Variants in IGSF22 observed in about 807,000 individuals in gnomAD.
The protein encoded by IGSF22 is immunoglobulin superfamily member 22.
IGSF22 carries 119 observed loss-of-function variants against 127.0 expected under a neutral mutation model. The ratio of observed to expected loss-of-function variants is 0.94; its 90% CI spans 0.81 to 1.09. The LOEUF is 1.09. Among genes scored for constraint, IGSF22 ranks in the 50% least tolerant of loss-of-function variants. The pLI is 0.00. For missense variants in IGSF22, 1,518 were observed against 1,716.6 expected (o/e 0.88, Z 2.04); for synonymous variants, 568 against 664.7 (o/e 0.85, Z 2.24).
At chr11:18,724,377 G>T in intron 1 of IGSF22, 108 bp from the exon 2 acceptor site, 1 of 595,802 alleles carries the variant, frequency 1.7e-6, no homozygotes, top group Non-Finnish European at 3.0e-6. Flanking sequence ...ACACAGGAGA[G>T]GGCCAGGAGA....
At position 18,714,584 on chromosome 11, in the gene IGSF22, G is replaced by A. The variant is rs556899533; in HGVS notation, c.1572C>T (p.His524=). The A allele has an allele frequency of 1.5e-5, 25 of 1,614,060 alleles. No individual in the cohort carries two copies. The African/African-American group carries it at 2.1e-4, about 14-fold the overall frequency. The change falls in exon 12 of 23, where the codon CAC becomes CAT. Residue 524 remains histidine, a synonymous_variant. Transcript: ENST00000513874. ...ATVKSGMSDV[H]AATGSPAELC... ...ACTCAGCTGGGCTCCCAGTGGCCGC[G>A]TGCACGTCGGACATCCCGCTCTTCA...
chr11:18,707,051 C>T lies in IGSF22; in HGVS notation c.3443G>A (p.Arg1148His), dbSNP rs1208954529. Residue 1148 changes from arginine to histidine, a missense_variant, in exon 21 of 23, where the codon CGT (arginine) becomes CAT (histidine). Physicochemically the swap from Arg to His is conservative, Grantham distance 29. Around this residue, in one of 3 missense-constraint regions of IGSF22, gnomAD observed 1,456 missense variants for 1,644.9 expected, o/e 0.89. Transcript: ENST00000513874. The part of the protein sequence containing the change: ...STATWYTAAE[R>H]VFSNKYTVTG... ...CACTGTGTACTTGTTGCTGAAGACA[C>T]GCTCGGCTGCCGTGTACCAGGTGGC... is the stretch of plus-strand genomic sequence containing the variant. The T allele has an allele frequency of 1.2e-5, 18 of 1,551,564 alleles. 1 individual carries two copies. Among genetic ancestry groups the T allele is most frequent in the South Asian group, 3.6e-5 (3 of 84,050 alleles).
Position 18,715,477 on chromosome 11 carries a change from C to T in IGSF22, c.1486G>A (p.Gly496Arg), listed in dbSNP as rs766973051. ...GTACTGTAGTATTCAGTAGGGTCTC[C>T]ATCCTGCATGGCCACCACAGTGTAC... ...GEYTVVAMQD[G>R]DPTEYYSTAI... is the part of the protein sequence containing the mutation. Residue 496 changes from glycine (G) to arginine (R), a missense_variant, in exon 11 of 23, where the codon GGA becomes AGA. Transcript: ENST00000513874. 8.1e-6 allele frequency: 13 copies of T among 1,613,612 alleles called. No homozygotes were observed. The Admixed American group carries it at 2.2e-4, about 27-fold the overall frequency.
intron 14 of IGSF22, 141 bp downstream of exon 14, chr11:18,713,711 G>T: frequency 1.4e-6 from 1 of 691,542 alleles, no homozygotes; most frequent in Non-Finnish European, 2.4e-6. Flanking sequence ...CGGGCTTCTG[G>T]CTGCAAAGCC....
chr11:18,708,920 T>C (rs1848298535), intron 18 of IGSF22, among the ~76,000 whole-genome samples: 1 of 152,226 alleles, frequency 6.6e-6, no homozygotes, highest in African/African-American at 2.4e-5. Flanking sequence ...AGATGTCTTT[T>C]CAGGTTTTTG....
At chr11:18,705,042 C>T (rs955202397) in intron 22 of IGSF22, among the ~76,000 whole-genome samples, 3 of 152,044 alleles carry the variant, frequency 2.0e-5, no homozygotes, top group South Asian at 2.1e-4. Flanking sequence ...AAGGTCCTTT[C>T]CCCAAAGAAA....
At chr11:18,720,332 G>A (rs1848548412) in intron 4 of IGSF22, 47 bp from the exon 5 acceptor site, 1 of 1,503,532 alleles carries the variant, frequency 6.7e-7, no homozygotes, top group African/African-American at 1.4e-5. Context: ...AGGAACCACA[G>A]GGAGACTTTC....
chr11:18,724,501 G>A (rs1848621736), intron 1 of IGSF22, among the ~76,000 whole-genome samples: 1 of 152,176 alleles, frequency 6.6e-6, no homozygotes, highest in Non-Finnish European at 1.5e-5. Flanking sequence ...GTCTCAGAGG[G>A]AGAGGTTATA....
In IGSF22 at chr11:18,714,278, T is replaced by C; in HGVS notation, c.1797A>G (p.Ala599=). The change falls in exon 13 of 23, where the codon GCA becomes GCG. Residue 599 remains alanine, a splice_region_variant and synonymous_variant. Coordinates refer to ENST00000513874, the MANE Select transcript of IGSF22 (RefSeq NM_173588.4). The part of the protein sequence containing the change: ...GTESEASVFI[A]DPPTIDPSVL... ...TGCCTACCTTGGACAGATCCATACC[T>C]GCGATGAATACAGAGGCTTCACTTT... The C allele has an allele frequency of 1.2e-6, 2 of 1,612,656 alleles. No individual in the cohort carries two copies. The highest frequency in any genetic ancestry group is 1.7e-6 in the Non-Finnish European group (2 of 1,179,352).
At chr11:18,711,652 C>T (rs1848358982) in intron 15 of IGSF22, among the ~76,000 whole-genome samples, 1 of 152,204 alleles carries the variant, frequency 6.6e-6, no homozygotes, top group Admixed American at 6.5e-5. Flanking sequence ...CCCACCTCGG[C>T]CTCCCAAAGT....
chr11:18,725,003 CTTTT>C (rs879338845), intron 1 of IGSF22, among the ~76,000 whole-genome samples: 1 of 145,478 alleles, frequency 6.9e-6, no homozygotes, highest in Non-Finnish European at 1.5e-5. Flanking sequence ...TATCATCTTC[CTTTT>C]TTTTTTTTAA....
chr11:18,719,528 G>A (rs1053891191), intron 7 of IGSF22, among the ~76,000 whole-genome samples, 188 bp downstream of exon 7: 2 of 152,222 alleles, frequency 1.3e-5, no homozygotes, highest in African/African-American at 4.8e-5. Flanking sequence ...ATGTTTGGGA[G>A]TGGTGAAGAC....
intron 14 of IGSF22, 147 bp downstream of exon 14, chr11:18,713,705 C>T (rs1435918729): frequency 6.0e-6 from 4 of 665,780 alleles, no homozygotes; most frequent in Non-Finnish European, 1.0e-5. Context: ...AGGAAGCGGG[C>T]TTCTGGCTGC....
rs1848314627 is a variant in IGSF22 at position 18,709,652 on chromosome 11, T to C, written c.2733A>G (p.Val911=). The change falls in exon 18 of 23, where the codon GTA becomes GTG. Residue 911 remains valine (V), a synonymous_variant. Transcript: ENST00000513874. The surrounding 1 kb of genome is among the most constrained non-coding windows in gnomAD (Gnocchi z 4.8). Reference sequence around the variant, plus strand: ...AAATGCTGGAGTTGGAGGAATCAGATACATGCAGGTCCTGGACCAGGCCTG... The same window carrying C: ...AAATGCTGGAGTTGGAGGAATCAGACACATGCAGGTCCTGGACCAGGCCTG... ...KPPGLVQDLH[V]SDSSNSSISL... 1 of 1,614,122 alleles carries C rather than the reference T, an allele frequency of 6.2e-7. No individual in the cohort carries two copies. The highest frequency in any genetic ancestry group is 8.5e-7 in the Non-Finnish European group (1 of 1,180,014).
At chr11:18,715,373 G>T (rs1848442464) in intron 11 of IGSF22, 59 bp downstream of exon 11, 1 of 1,543,128 alleles carries the variant, frequency 6.5e-7, no homozygotes, top group African/African-American at 1.3e-5. Context: ...GATGTCCACT[G>T]TAAGGGAATG....
intron 15 of IGSF22, 130 bp downstream of exon 15, chr11:18,711,952 T>C (rs1848364667): frequency 1.3e-6 from 1 of 763,324 alleles, no homozygotes; most frequent in Non-Finnish European, 2.1e-6. Flanking sequence ...TACTCTGGAA[T>C]CGGTCTGTCT....
intron 14 of IGSF22, 119 bp downstream of exon 14, chr11:18,713,732 GC>G: frequency 2.4e-6 from 2 of 821,826 alleles, no homozygotes. Context: ...AGCCTTCTAG[GC>G]CCATTCCCAG....
In IGSF22 at chr11:18,714,121, A is replaced by G; in HGVS notation, c.1826T>C (p.Leu609Pro). The G allele has an allele frequency of 1.2e-6, 2 of 1,613,362 alleles. No individual in the cohort carries two copies. Among genetic ancestry groups the G allele is most frequent in the Non-Finnish European group, 1.7e-6 (2 of 1,179,348 alleles). Residue 609 changes from leucine (L) to proline (P), a missense_variant, in exon 14 of 23, where the codon CTG becomes CCG. By Grantham distance (98) the Leu-to-Pro change is moderately conservative. Transcript: ENST00000513874. ...ADPPTIDPSVLEALAAHAITV... is the reference protein window; with the variant it reads ...ADPPTIDPSVPEALAAHAITV... ...GATGGCGTGCGCAGCCAGTGCCTCC[A>G]GTACTGACGGGTCGATGGTAGGAGG...
chr11:18,714,597 A>G lies in IGSF22; in HGVS notation c.1559T>C (p.Met520Thr). 6.2e-7 allele frequency: 1 copy of G among 1,614,158 alleles called. No individual in the cohort carries two copies. The highest frequency in any genetic ancestry group is 2.2e-5 in the East Asian group (1 of 44,882). Reference protein sequence around the residue: ...EERLATVKSGMSDVHAATGSP... With the variant: ...EERLATVKSGTSDVHAATGSP... Reference sequence around the variant, plus strand: ...CCCAGTGGCCGCGTGCACGTCGGACATCCCGCTCTTCACTGTGGCCAGACG... The same window carrying G: ...CCCAGTGGCCGCGTGCACGTCGGACGTCCCGCTCTTCACTGTGGCCAGACG... The change falls in exon 12 of 23, where the codon ATG becomes ACG. Residue 520 changes from methionine to threonine, a missense_variant. Coordinates refer to ENST00000513874, the MANE Select transcript of IGSF22 (RefSeq NM_173588.4).
Sources: allele counts gnomAD v4.1 joint callset (sites outside exome capture counted in the v4.1 genomes callset), GRCh38; gene constraint gnomAD v4.1.1; regional missense constraint gnomAD v4.1.1; non-coding constraint Gnocchi (gnomAD v3.1); transcripts MANE v1.5; gene names NCBI Gene and HGNC (gene_info 2026-07-23, HGNC 2026-07-21).